The following TMEM144 variants were observed in gnomAD, a reference collection of about 807,000 sequenced individuals.
TMEM144 encodes the protein transmembrane protein 144.
A neutral mutation model predicts 43.6 loss-of-function variants in TMEM144; 39 were observed. That is an observed-to-expected ratio of 0.90 (90% CI 0.69 to 1.17). TMEM144 has a LOEUF of 1.17. Among genes scored for constraint, TMEM144 ranks in the 50% most tolerant of loss-of-function variants. The probability of loss-of-function intolerance (pLI) is 0.00; values close to 1 mark genes in which losing one functional copy is unlikely to be tolerated. For missense variants in TMEM144, 417 were observed against 411.9 expected (o/e 1.01, Z -0.11); for synonymous variants, 154 against 133.6 (o/e 1.15, Z -1.06).
chr4:158,222,922 C>T (rs1174470113), intron 6 of TMEM144, among the ~76,000 whole-genome samples: 5 of 152,186 alleles, frequency 3.3e-5, no homozygotes, highest in Non-Finnish European at 5.9e-5. Context: ...CATTCATAGA[C>T]TTTATCATGG....
intron 12 of TMEM144, among the ~76,000 whole-genome samples, chr4:158,249,914 G>A (rs1736105303): frequency 7.6e-6 from 1 of 131,094 alleles, no homozygotes; most frequent in Non-Finnish European, 1.7e-5. Flanking sequence ...GTGTGTGTGT[G>A]TGTGTGTGTG....
At chr4:158,214,549 A>C (rs1734122796) in intron 3 of TMEM144, among the ~76,000 whole-genome samples, 1 of 152,202 alleles carries the variant, frequency 6.6e-6, no homozygotes, top group Non-Finnish European at 1.5e-5. Flanking sequence ...GATACACCTC[A>C]TCACCAGGTT....
chr4:158,219,435 A>G (rs1442742999), intron 6 of TMEM144, 45 bp downstream of exon 6: 1 of 1,564,302 alleles, frequency 6.4e-7, no homozygotes, highest in South Asian at 1.1e-5. Flanking sequence ...CAAAACATGG[A>G]GAGTGCTTTT....
At chr4:158,216,502 ATC>A (rs1353988510) in intron 4 of TMEM144, among the ~76,000 whole-genome samples, 2 of 152,226 alleles carry the variant, frequency 1.3e-5, no homozygotes, top group Non-Finnish European at 2.9e-5. Flanking sequence ...CATAGAGAAC[ATC>A]TGGTTGGAGA....
chr4:158,212,414 T>C (rs1734002987), intron 2 of TMEM144, among the ~76,000 whole-genome samples, 194 bp from the exon 3 acceptor site: 1 of 152,198 alleles, frequency 6.6e-6, no homozygotes, highest in Admixed American at 6.5e-5. Flanking sequence ...TTTTAAATTG[T>C]AGGCTAGTGA....
chr4:158,213,147 A>G (rs1010512464), intron 3 of TMEM144: 5 of 283,838 alleles, frequency 1.8e-5, no homozygotes, highest in African/African-American at 6.7e-5. Context: ...CTTATGTGCA[A>G]TTTTGTCCCT....
chr4:158,213,047 G>C (rs1734039943), intron 3 of TMEM144: 1 of 520,430 alleles, frequency 1.9e-6, no homozygotes, highest in Non-Finnish European at 3.4e-6. Flanking sequence ...TTTATAGTCA[G>C]TTCTACTATA....
intron 12 of TMEM144, among the ~76,000 whole-genome samples, chr4:158,248,726 ACT>A (rs1474558076): frequency 2.6e-5 from 4 of 152,196 alleles, no homozygotes. Flanking sequence ...ACTCATAGGT[ACT>A]GTCAGTTATA....
In TMEM144 at chr4:158,212,899, C is replaced by T. The variant is rs534858290; in HGVS notation, c.109+123C>T. The T allele has an allele frequency of 3.8e-6, 3 of 795,054 alleles. No homozygotes were observed. The South Asian group carries it at 4.6e-5, about 12-fold the overall frequency. The allele number at this position is 795,054 out of a possible 1,614,324, so 49.2% of individuals were successfully genotyped here. On this transcript the variant is annotated intron_variant, in intron 3 of 12. Transcript: ENST00000296529. The stretch of plus-strand genomic sequence containing the variant: ...TGATCTTGATACCTAGTGAATAGAG[C>T]TTAAAATTAGTCATTTGACAGTGCT...
intron 10 of TMEM144, 120 bp downstream of exon 10, chr4:158,240,538 TGTTGTGTG>T: frequency 9.1e-7 from 1 of 1,096,134 alleles, no homozygotes; most frequent in Non-Finnish European, 1.3e-6. Flanking sequence ...GGTGTGTGTG[TGTTGTGTG>T]TGTGTGTGTG....
intron 8 of TMEM144, 163 bp from the exon 9 acceptor site, chr4:158,237,362 C>G (rs566253892): frequency 3.4e-6 from 2 of 592,322 alleles, no homozygotes; most frequent in African/African-American, 1.9e-5. Context: ...TTTAATACTG[C>G]AGGGTATTTC....
At chr4:158,234,734 T>C (rs1052845576) in intron 7 of TMEM144, 1 of 152,306 alleles carries the variant, frequency 6.6e-6, no homozygotes, top group East Asian at 1.9e-4. Context: ...GTATACGATA[T>C]GAATAGGCTG....
At chr4:158,219,554 G>A (rs141163879) in intron 6 of TMEM144, among the ~76,000 whole-genome samples, 164 bp downstream of exon 6, 1 of 152,140 alleles carries the variant, frequency 6.6e-6, no homozygotes, top group Non-Finnish European at 1.5e-5. Context: ...GACAAAAAGT[G>A]CCAGATTTGG....
intron 10 of TMEM144, 47 bp from the exon 11 acceptor site, chr4:158,241,462 C>A: frequency 6.9e-7 from 1 of 1,448,962 alleles, no homozygotes; most frequent in Non-Finnish European, 9.7e-7. Context: ...GTGAGTTCTT[C>A]AGGAGGGGAA....
chr4:158,245,213 A>AGAGT (rs1735824909), intron 12 of TMEM144, among the ~76,000 whole-genome samples: 1 of 125,600 alleles, frequency 8.0e-6, no homozygotes, highest in South Asian at 2.8e-4. Flanking sequence ...TTCTAGTAAG[A>AGAGT]GTGTGTGTGT....
intron 9 of TMEM144, 46 bp from the exon 10 acceptor site, chr4:158,240,253 G>A (rs1735561897): frequency 6.4e-7 from 1 of 1,569,724 alleles, no homozygotes; most frequent in African/African-American, 1.4e-5. Flanking sequence ...AAATATATCT[G>A]GAATGATTAA....
intron 1 of TMEM144, chr4:158,211,129 C>T (rs1733940121): frequency 6.6e-6 from 1 of 152,090 alleles, no homozygotes; most frequent in African/African-American, 2.4e-5. Flanking sequence ...TGCCAATTCA[C>T]AATGAAATAA....
At chr4:158,232,847 CTT>C (rs1735147792) in intron 6 of TMEM144, 52 bp from the exon 7 acceptor site, 1 of 1,231,844 alleles carries the variant, frequency 8.1e-7, no homozygotes, top group Non-Finnish European at 1.2e-6. Context: ...AATCAAGCAG[CTT>C]GATATAAACC....
Position 158,241,543 on chromosome 4 carries a change from C to T in TMEM144, c.837C>T (p.Thr279=). Residue 279 remains threonine, a synonymous_variant, in exon 11 of 13, where the codon ACC becomes ACT. Coordinates refer to ENST00000296529, the MANE Select transcript of TMEM144 (RefSeq NM_018342.5). ...FLSGVLWAIA[T]CCWFIANHSL... ...CAGGAGTACTTTGGGCTATAGCTAC[C>T]TGCTGTTGGTTCATAGCAAATCACT... is the stretch of plus-strand genomic sequence containing the variant. The T allele has an allele frequency of 6.2e-7, 1 of 1,613,998 alleles. No homozygotes were observed. The highest frequency in any genetic ancestry group is 8.5e-7 in the Non-Finnish European group (1 of 1,179,896).
Sources: gnomAD v4.1 joint callset for allele counts (sites outside exome capture counted in the v4.1 genomes callset) on GRCh38, gnomAD v4.1.1 for gene constraint, MANE v1.5 for transcripts, NCBI Gene and HGNC (gene_info 2026-07-23, HGNC 2026-07-21) for gene names.